The following RUNDC3B variants were observed in gnomAD, a reference collection of about 807,000 sequenced individuals.
RUNDC3B encodes the protein RUN domain containing 3B.
In RUNDC3B, 33 loss-of-function variants were observed where a neutral mutation model predicts 58.4. That is an observed-to-expected ratio of 0.56 (90% CI 0.43 to 0.75). The LOEUF is 0.75. RUNDC3B is among the 30% of genes least tolerant of loss of function. The probability of loss-of-function intolerance (pLI) is 0.00; values close to 1 mark genes in which losing one functional copy is unlikely to be tolerated. For synonymous variants in RUNDC3B, 193 were observed against 195.2 expected (o/e 0.99, Z 0.10); for missense variants, 501 against 535.7 (o/e 0.94, Z 0.64).
At chr7:87,648,108 C>T (rs892133336) in intron 1 of RUNDC3B, among the ~76,000 whole-genome samples, 6 of 148,338 alleles carry the variant, frequency 4.0e-5, no homozygotes, top group South Asian at 2.1e-4. Flanking sequence ...TGGCGTGAAC[C>T]GGGGTGGCAT....
rs571588791 is a variant in RUNDC3B, at chr7:87,800,653, CT to C, written c.957-6704del. 9.8e-3 allele frequency among the ~76,000 whole-genome samples: 1,351 copies of C among 137,500 alleles called. 10 individuals are homozygous for C. Among genetic ancestry groups the C allele is most frequent in the African/African-American group, 0.026 (990 of 37,656 alleles). The allele number at this position is 137,500 out of a possible 152,430, so 90.2% of individuals were successfully genotyped here. A position where few individuals can be genotyped will look rare whatever the true frequency, so the allele number is the denominator to read the frequency against. On this transcript the variant is annotated intron_variant, in intron 8 of 10. Transcript: ENST00000394654. ...CATTTCTCCACTCATCTTTTCTTTT[CT>C]TTTTTTTTTTTTTTTGAGACAGGGC...
intron 3 of RUNDC3B, among the ~76,000 whole-genome samples, chr7:87,702,735 C>T (rs1829206895): frequency 6.6e-6 from 1 of 151,984 alleles, no homozygotes; most frequent in Admixed American, 6.5e-5. Flanking sequence ...ATCGAACATC[C>T]CAAAACTGAA....
chr7:87,658,178 G>A (rs548176072), intron 2 of RUNDC3B, among the ~76,000 whole-genome samples: 1 of 152,116 alleles, frequency 6.6e-6, no homozygotes, highest in African/African-American at 2.4e-5. Flanking sequence ...TGAAAAAGTA[G>A]AAATCCACAG....
At chr7:87,790,514 C>G (rs1835466068) in intron 8 of RUNDC3B, among the ~76,000 whole-genome samples, 1 of 151,804 alleles carries the variant, frequency 6.6e-6, no homozygotes, top group African/African-American at 2.4e-5. Context: ...ACTTGGAGTC[C>G]TGGAGAAATA....
At chr7:87,750,527 C>T (rs375626801) in intron 6 of RUNDC3B, among the ~76,000 whole-genome samples, 1 of 152,156 alleles carries the variant, frequency 6.6e-6, no homozygotes, top group African/African-American at 2.4e-5. Flanking sequence ...TCTCCACATC[C>T]TCTCCAGCGC....
intron 1 of RUNDC3B, among the ~76,000 whole-genome samples, chr7:87,642,429 T>A (rs1822549718): frequency 6.6e-6 from 1 of 152,090 alleles, no homozygotes; most frequent in Admixed American, 6.5e-5. Flanking sequence ...TCATTTGTTC[T>A]TGGATAAAGA....
chr7:87,680,570 A>G (rs1826826745), intron 2 of RUNDC3B, among the ~76,000 whole-genome samples: 1 of 150,680 alleles, frequency 6.6e-6, no homozygotes, highest in Non-Finnish European at 1.5e-5. Flanking sequence ...AGGCGAGTGG[A>G]TCACCTTAGG....
chr7:87,782,066 CTTTG>C (rs1311920124), intron 8 of RUNDC3B, among the ~76,000 whole-genome samples: 3 of 152,180 alleles, frequency 2.0e-5, no homozygotes, highest in African/African-American at 7.2e-5. Flanking sequence ...ACCAGCTCTT[CTTTG>C]TTTGTCTGGT....
intron 4 of RUNDC3B, among the ~76,000 whole-genome samples, chr7:87,711,858 TC>T (rs1282048471): frequency 2.0e-5 from 3 of 152,162 alleles, no homozygotes; most frequent in Non-Finnish European, 4.4e-5. Flanking sequence ...CGTTCTTTTT[TC>T]TACCTCATTA....
intron 10 of RUNDC3B, among the ~76,000 whole-genome samples, chr7:87,819,866 T>A (rs929621709): frequency 4.0e-5 from 6 of 151,898 alleles, no homozygotes; most frequent in African/African-American, 1.5e-4. Flanking sequence ...CATACCAGAA[T>A]CTCTGGGACA....
intron 6 of RUNDC3B, among the ~76,000 whole-genome samples, chr7:87,765,444 C>T (rs903141817): frequency 6.6e-6 from 1 of 151,944 alleles, no homozygotes; most frequent in East Asian, 1.9e-4. Flanking sequence ...GTGCTATAAA[C>T]TTTCCTCTTA....
At chr7:87,681,572 A>G (rs1420014709) in intron 2 of RUNDC3B, among the ~76,000 whole-genome samples, 6 of 150,788 alleles carry the variant, frequency 4.0e-5, no homozygotes, top group African/African-American at 1.5e-4. Context: ...TAATTAAACT[A>G]CTTTACTGCT....
At chr7:87,763,036 C>T (rs1833783412) in intron 6 of RUNDC3B, among the ~76,000 whole-genome samples, 1 of 151,356 alleles carries the variant, frequency 6.6e-6, no homozygotes, top group African/African-American at 2.4e-5. Flanking sequence ...TTGCCTTTTA[C>T]AAATTTCTCT....
At chr7:87,703,885 C>CTTTTTTTTTTTTTTTTTTTTTTTTTTTGT (rs1829326718) in intron 3 of RUNDC3B, among the ~76,000 whole-genome samples, 2 of 60,280 alleles carry the variant, frequency 3.3e-5, no homozygotes, top group African/African-American at 6.3e-5. Context: ...TCAGTTTTTT[C>CTTTTTTTTTTTTTTTTTTTTTTTTTTTGT]TTTTTTTTTT....
intron 2 of RUNDC3B, among the ~76,000 whole-genome samples, chr7:87,680,113 G>A (rs1826781516): frequency 6.7e-6 from 1 of 150,352 alleles, no homozygotes; most frequent in South Asian, 2.1e-4. Context: ...ACTTATGAGT[G>A]AGAACATGCA....
At chr7:87,748,939 A>G (rs1426179564) in intron 6 of RUNDC3B, among the ~76,000 whole-genome samples, 1 of 152,210 alleles carries the variant, frequency 6.6e-6, no homozygotes, top group African/African-American at 2.4e-5. Context: ...TGTTTTGAGC[A>G]GGCATAAAAT....
At chr7:87,710,907 T>G (rs926974437) in intron 4 of RUNDC3B, among the ~76,000 whole-genome samples, 4 of 152,220 alleles carry the variant, frequency 2.6e-5, no homozygotes, top group African/African-American at 9.6e-5. Flanking sequence ...TGATTCATAC[T>G]CTTTCAACTC....
intron 10 of RUNDC3B, among the ~76,000 whole-genome samples, chr7:87,817,455 C>T (rs1176585104): frequency 6.6e-6 from 1 of 152,166 alleles, no homozygotes; most frequent in Non-Finnish European, 1.5e-5. Context: ...CCTACTTGAC[C>T]TTGTTCTTGC....
At chr7:87,767,095 G>T (rs989468277) in intron 6 of RUNDC3B, among the ~76,000 whole-genome samples, 1 of 151,840 alleles carries the variant, frequency 6.6e-6, no homozygotes, top group Admixed American at 6.6e-5. Context: ...AGTTCTGTTT[G>T]GTTTTTAAAA....
Sources: gnomAD v4.1 joint callset for allele counts (sites outside exome capture counted in the v4.1 genomes callset) on GRCh38, gnomAD v4.1.1 for gene constraint, MANE v1.5 for transcripts, NCBI Gene and HGNC (gene_info 2026-07-23, HGNC 2026-07-21) for gene names.